CTNNA3: variants seen among roughly 807,000 people sequenced by gnomAD.
The protein encoded by CTNNA3 is catenin alpha 3.
CTNNA3 carries 76 observed loss-of-function variants against 95.7 expected under a neutral mutation model. That is an observed-to-expected ratio of 0.79 (90% confidence interval 0.66 to 0.96). The LOEUF is 0.96. Among genes scored for constraint, CTNNA3 ranks in the 40% least tolerant of loss-of-function variants. The pLI is 0.00. For synonymous variants in CTNNA3, 431 were observed against 374.4 expected, an observed-to-expected ratio of 1.15 and a Z score of -1.74; for missense variants, 1,191 against 1,089.8, an observed-to-expected ratio of 1.09 and a Z score of -1.31.
chr10:67,074,570 T>A (rs1187917714), intron 7 of CTNNA3, among the ~76,000 whole-genome samples: 1 of 151,952 alleles, frequency 6.6e-6, no homozygotes, highest in Non-Finnish European at 1.5e-5. Flanking sequence ...CAGGATGGTC[T>A]CGATCTCCTG....
At chr10:66,457,363 G>A (rs58361112) in intron 11 of CTNNA3, among the ~76,000 whole-genome samples, 17,140 of 151,692 alleles carry the variant, frequency 0.11, 1,356 homozygotes, top group African/African-American at 0.23. Context: ...TCAATAAAAA[G>A]AAAACAAACA....
At chr10:67,593,647 G>A (rs1363215655) in intron 3 of CTNNA3, among the ~76,000 whole-genome samples, 1 of 152,134 alleles carries the variant, frequency 6.6e-6, no homozygotes, top group African/African-American at 2.4e-5. Flanking sequence ...TCAGGTCTAG[G>A]AGCCTCTGGG....
intron 3 of CTNNA3, among the ~76,000 whole-genome samples, chr10:67,562,933 G>A (rs925991391): frequency 9.2e-4 from 140 of 152,060 alleles, no homozygotes; most frequent in African/African-American, 3.3e-3. Context: ...AACTTACAAG[G>A]GATGTGAAGG....
intron 1 of CTNNA3, among the ~76,000 whole-genome samples, chr10:67,671,669 TC>T (rs1438270381): frequency 2.0e-5 from 3 of 151,830 alleles, no homozygotes; most frequent in African/African-American, 7.3e-5. Flanking sequence ...TTCATCCATG[TC>T]CCTACAAAGG....
rs539506610 is a variant in CTNNA3, at chr10:65,986,821, T to C, written c.2265+1871A>G. The stretch of plus-strand genomic sequence containing the variant: ...CTGGCTTCAAAATATGTTACAAAGA[T>C]ATAGTAACTAAAACTGCATGGTACT... On this transcript the variant is annotated intron_variant, in intron 16 of 17. Coordinates refer to ENST00000433211, the MANE Select transcript of CTNNA3 (RefSeq NM_013266.4). Among the ~76,000 whole-genome samples, 326 of 150,790 alleles carry C rather than the reference T, an allele frequency of 2.2e-3. 2 individuals carry two copies. The highest frequency in any genetic ancestry group is 9.2e-3 in the South Asian group (44 of 4,778).
At chr10:66,015,101 C>G (rs1474056939) in intron 15 of CTNNA3, among the ~76,000 whole-genome samples, 2 of 122,030 alleles carry the variant, frequency 1.6e-5, no homozygotes, top group Non-Finnish European at 3.5e-5. Flanking sequence ...GACTCTGTCT[C>G]AAAAAATAAT....
rs1258687733 is a variant in CTNNA3 at position 66,464,479 on chromosome 10, A to C, written c.1531+56138T>G. 1.3e-5 allele frequency among the ~76,000 whole-genome samples: 2 copies of C among 152,096 alleles called. 1 individual carries two copies. The highest frequency in any genetic ancestry group is 3.9e-4 in the East Asian group (2 of 5,170). On this transcript the variant is annotated intron_variant, in intron 11 of 17. Transcript: ENST00000433211. ...AAAATTTTCTGTCAAACAGCAAAAT[A>C]GGGTTGGGCACGGAGGCTCACACCT...
intron 11 of CTNNA3, among the ~76,000 whole-genome samples, chr10:66,509,956 AGG>A (rs1217788523): frequency 6.6e-6 from 1 of 151,920 alleles, no homozygotes; most frequent in Non-Finnish European, 1.5e-5. Context: ...TATTTTGATA[AGG>A]ATTGCACTGA....
At chr10:67,166,590 T>G (rs2132102618) in intron 7 of CTNNA3, among the ~76,000 whole-genome samples, 1 of 152,358 alleles carries the variant, frequency 6.6e-6, no homozygotes, top group South Asian at 2.1e-4. Context: ...CAGTTTTGGA[T>G]TCTTTCTAAT....
intron 9 of CTNNA3, among the ~76,000 whole-genome samples, chr10:66,764,787 G>A (rs949958347): frequency 2.6e-5 from 4 of 151,900 alleles, no homozygotes; most frequent in African/African-American, 9.7e-5. Flanking sequence ...AAATCTTTCT[G>A]GAATGTGTAG....
intron 5 of CTNNA3, among the ~76,000 whole-genome samples, chr10:67,412,866 C>T (rs967909325): frequency 6.6e-6 from 1 of 152,078 alleles, no homozygotes; most frequent in Non-Finnish European, 1.5e-5. Flanking sequence ...GAGTTCTAAA[C>T]ATGAATTCAA....
At chr10:67,113,216 A>T (rs913157966) in intron 7 of CTNNA3, among the ~76,000 whole-genome samples, 3 of 152,214 alleles carry the variant, frequency 2.0e-5, no homozygotes, top group African/African-American at 7.2e-5. Context: ...AATAAACCAG[A>T]GATACTATTC....
chr10:66,830,686 C>T (rs992911314), intron 7 of CTNNA3, among the ~76,000 whole-genome samples: 50 of 151,906 alleles, frequency 3.3e-4, no homozygotes, highest in South Asian at 1.7e-3. Flanking sequence ...CTCGGCTCAC[C>T]GCAAGCTCCG....
intron 12 of CTNNA3, among the ~76,000 whole-genome samples, chr10:66,360,821 C>CTT (rs1259141268): frequency 1.9e-5 from 1 of 53,966 alleles, no homozygotes; most frequent in Non-Finnish European, 3.2e-5. Flanking sequence ...TCCTTCCTTT[C>CTT]TTTCTTTCTT....
chr10:67,639,501 T>A (rs1267921076), intron 2 of CTNNA3, among the ~76,000 whole-genome samples: 1 of 152,180 alleles, frequency 6.6e-6, no homozygotes, highest in Non-Finnish European at 1.5e-5. Flanking sequence ...CCCTAACTCA[T>A]TTTATGAGGC....
chr10:67,729,020 TAGTA>T (rs2133630271), intron 1 of CTNNA3, among the ~76,000 whole-genome samples: 1 of 152,322 alleles, frequency 6.6e-6, no homozygotes, highest in Non-Finnish European at 1.5e-5. Flanking sequence ...GAAAAATGGT[TAGTA>T]AGTAAAGCAG....
intron 5 of CTNNA3, among the ~76,000 whole-genome samples, chr10:67,437,300 A>G (rs533944759): frequency 6.6e-6 from 1 of 152,216 alleles, no homozygotes; most frequent in Non-Finnish European, 1.5e-5. Context: ...GAATGATACA[A>G]TGGACTTTGG....
At chr10:66,315,269 C>A (rs1221352843) in intron 12 of CTNNA3, among the ~76,000 whole-genome samples, 1 of 151,996 alleles carries the variant, frequency 6.6e-6, no homozygotes, top group Non-Finnish European at 1.5e-5. Context: ...TATCTTCTAT[C>A]CTGGCCCCAC....
At chr10:66,925,185 C>T (rs1847000276) in intron 7 of CTNNA3, among the ~76,000 whole-genome samples, 2 of 152,154 alleles carry the variant, frequency 1.3e-5, no homozygotes, top group African/African-American at 2.4e-5. Flanking sequence ...CTCTAGCACT[C>T]GCTTGCTGTA....
Sources: gnomAD v4.1 joint callset for allele counts (sites outside exome capture counted in the v4.1 genomes callset) on GRCh38, gnomAD v4.1.1 for gene constraint, MANE v1.5 for transcripts, NCBI Gene and HGNC (gene_info 2026-07-23, HGNC 2026-07-21) for gene names.